Variants in RAB3C observed in about 807,000 individuals in gnomAD.
RAB3C encodes the protein ras-related protein Rab-3C.
In RAB3C, 17 loss-of-function variants were observed where a neutral mutation model predicts 26.4. That is an observed-to-expected ratio of 0.64 (90% confidence interval 0.44 to 0.97). RAB3C has a LOEUF of 0.97. Among genes scored for constraint, RAB3C ranks in the 50% least tolerant of loss-of-function variants. RAB3C has a pLI of 0.00. For synonymous variants in RAB3C, 91 were observed against 95.9 expected, an observed-to-expected ratio of 0.95 and a Z score of 0.30; for missense variants, 242 against 281.9, an observed-to-expected ratio of 0.86 and a Z score of 1.01.
intron 3 of RAB3C, among the ~76,000 whole-genome samples, chr5:58,744,445 A>G (rs1741348089): frequency 6.6e-6 from 1 of 152,206 alleles, no homozygotes; most frequent in African/African-American, 2.4e-5. Flanking sequence ...TCATCGTCAC[A>G]CGATTCATCG....
chr5:58,725,968 T>A, intron 2 of RAB3C, 34 bp from the exon 3 acceptor site: 1 of 1,283,500 alleles, frequency 7.8e-7, no homozygotes, highest in Non-Finnish European at 1.1e-6. Context: ...TTGCCTTATT[T>A]CTGAGAGATT....
intron 4 of RAB3C, among the ~76,000 whole-genome samples, chr5:58,833,098 G>A (rs1743652880): frequency 6.6e-6 from 1 of 151,926 alleles, no homozygotes; most frequent in African/African-American, 2.4e-5. Flanking sequence ...AAATATTCAT[G>A]TATTAGGGCA....
At chr5:58,586,436 G>C (rs1416341783) in intron 1 of RAB3C, among the ~76,000 whole-genome samples, 1 of 151,992 alleles carries the variant, frequency 6.6e-6, no homozygotes. Context: ...CATTCATTTG[G>C]TTCAGAAGAA....
intron 3 of RAB3C, among the ~76,000 whole-genome samples, chr5:58,816,054 G>C (rs2112046277): frequency 6.6e-6 from 1 of 152,246 alleles, no homozygotes; most frequent in African/African-American, 2.4e-5. Flanking sequence ...TTTGAAAAAA[G>C]GATGAAATTA....
intron 4 of RAB3C, among the ~76,000 whole-genome samples, chr5:58,844,569 T>C (rs1435003948): frequency 6.6e-6 from 1 of 152,218 alleles, no homozygotes; most frequent in Non-Finnish European, 1.5e-5. Context: ...TCCCTACTTC[T>C]GGCTCAAATG....
chr5:58,646,687 G>C (rs187627336), intron 2 of RAB3C, among the ~76,000 whole-genome samples: 2 of 152,174 alleles, frequency 1.3e-5, no homozygotes, highest in Admixed American at 1.3e-4. Context: ...TCAATTTTGC[G>C]TGCTGCCCAG....
At chr5:58,740,902 C>T (rs966014077) in intron 3 of RAB3C, among the ~76,000 whole-genome samples, 7 of 152,106 alleles carry the variant, frequency 4.6e-5, no homozygotes, top group Non-Finnish European at 1.0e-4. Flanking sequence ...GTTAAGGACA[C>T]AGCTCTCCAC....
At chr5:58,822,960 C>A in intron 3 of RAB3C, 1 of 632,826 alleles carries the variant, frequency 1.6e-6, no homozygotes, top group Non-Finnish European at 3.0e-6. Flanking sequence ...GTAGGCCTTG[C>A]CAGAACCATC....
intron 2 of RAB3C, among the ~76,000 whole-genome samples, chr5:58,702,011 A>G (rs577234757): frequency 6.6e-5 from 10 of 152,334 alleles, no homozygotes; most frequent in African/African-American, 2.2e-4. Flanking sequence ...TCTTTTAGTA[A>G]GATGCAAATC....
chr5:58,823,332 C>T (rs1405908102), intron 3 of RAB3C: 2 of 176,924 alleles, frequency 1.1e-5, no homozygotes, highest in Non-Finnish European at 2.4e-5. Context: ...CCAGCCTGGA[C>T]AACATGGCAA....
At chr5:58,671,380 G>C (rs1748116196) in intron 2 of RAB3C, among the ~76,000 whole-genome samples, 2 of 152,108 alleles carry the variant, frequency 1.3e-5, no homozygotes, top group Non-Finnish European at 2.9e-5. Context: ...CAAAACGAAG[G>C]CTGTCTCGTT....
intron 1 of RAB3C, among the ~76,000 whole-genome samples, chr5:58,586,925 CA>C (rs1181999296): frequency 3.3e-5 from 5 of 152,130 alleles, no homozygotes. Flanking sequence ...GGCATTTTTG[CA>C]CTTCATTATT....
At chr5:58,615,424 T>C (rs1746802897) in intron 1 of RAB3C, among the ~76,000 whole-genome samples, 1 of 152,128 alleles carries the variant, frequency 6.6e-6, no homozygotes, top group Non-Finnish European at 1.5e-5. Flanking sequence ...ATTTAGCAGC[T>C]CATATAGGAG....
chr5:58,715,470 A>G (rs571737821), intron 2 of RAB3C, among the ~76,000 whole-genome samples: 1 of 152,014 alleles, frequency 6.6e-6, no homozygotes, highest in Non-Finnish European at 1.5e-5. Flanking sequence ...GAAGAAGAAG[A>G]ATCTTGAATA....
At chr5:58,842,352 T>G (rs1358734929) in intron 4 of RAB3C, among the ~76,000 whole-genome samples, 3 of 152,182 alleles carry the variant, frequency 2.0e-5, no homozygotes, top group Non-Finnish European at 4.4e-5. Flanking sequence ...TCATGGACTT[T>G]GTGGCACTTA....
intron 3 of RAB3C, among the ~76,000 whole-genome samples, chr5:58,736,712 A>T (rs1342829735): frequency 1.3e-5 from 2 of 152,178 alleles, no homozygotes; most frequent in Admixed American, 1.3e-4. Flanking sequence ...TACCCTAATA[A>T]CCTCGTCTTA....
At chr5:58,583,267 A>T in intron 1 of RAB3C, 35 bp downstream of exon 1, 1 of 1,613,722 alleles carries the variant, frequency 6.2e-7, no homozygotes, top group South Asian at 1.1e-5. Flanking sequence ...CTCGGGAGGA[A>T]TTGAAAGAGA....
chr5:58,783,171 T>C (rs1742307211), intron 3 of RAB3C, among the ~76,000 whole-genome samples: 1 of 152,128 alleles, frequency 6.6e-6, no homozygotes, highest in African/African-American at 2.4e-5. Context: ...TCAACCCACA[T>C]AAATATACGC....
At chr5:58,712,421 A>G (rs1235961434) in intron 2 of RAB3C, among the ~76,000 whole-genome samples, 1 of 152,206 alleles carries the variant, frequency 6.6e-6, no homozygotes, top group African/African-American at 2.4e-5. Flanking sequence ...ATCAATTTTG[A>G]GTCCAAACAT....
Sources: allele counts gnomAD v4.1 joint callset (sites outside exome capture counted in the v4.1 genomes callset), GRCh38; gene constraint gnomAD v4.1.1; transcripts MANE v1.5; gene names NCBI Gene and HGNC (gene_info 2026-07-23, HGNC 2026-07-21).